Variants in ACOT11 observed in about 807,000 individuals in gnomAD.
The protein encoded by ACOT11 is acyl-CoA thioesterase 11.
Under a neutral mutation model 77.5 loss-of-function variants are expected in ACOT11, and 69 were observed. The ratio of observed to expected loss-of-function variants is 0.89; its 90% CI spans 0.73 to 1.09. The LOEUF (loss-of-function observed/expected upper bound fraction) is 1.09. ACOT11 is among the 50% of genes least tolerant of loss of function. ACOT11 has a pLI of 0.00. For missense variants in ACOT11, 766 were observed against 813.7 expected, an observed-to-expected ratio of 0.94 and a Z score of 0.71; for synonymous variants, 279 against 313.0, an observed-to-expected ratio of 0.89 and a Z score of 1.15.
Position 54,607,808 on chromosome 1 carries a change from T to C in ACOT11, c.1503-134T>C, listed in dbSNP as rs190842475. 2.3e-3 allele frequency: 2,785 copies of C among 1,207,532 alleles called. 7 individuals carry two copies. The highest frequency in any genetic ancestry group is 3.3e-3 in the Middle Eastern group (13 of 3,914). 74.8% of individuals were successfully genotyped at this position (1,207,532 alleles called of 1,614,324 possible). A position where few individuals can be genotyped will look rare whatever the true frequency, so the allele number is the denominator to read the frequency against. On this transcript the variant is annotated intron_variant, in intron 14 of 15. Coordinates refer to ENST00000343744, the MANE Select transcript of ACOT11 (RefSeq NM_147161.4). The surrounding 1 kb of genome is among the most constrained non-coding windows in gnomAD (Gnocchi z 4.5). ...GAGCCCCGCATTGGGGCTTTAAGAG[T>C]CGATGTGCCTTGCATCCCCCTGGTG... is the stretch of plus-strand genomic sequence containing the variant.
chr1:54,554,352 T>TATATATA lies in ACOT11; in HGVS notation c.33+6010_33+6011insATATATA, dbSNP rs536616509. Among the ~76,000 whole-genome samples, 75 of 46,374 alleles carry TATATATA rather than the reference T, an allele frequency of 1.6e-3. 1 individual carries two copies. Among genetic ancestry groups the TATATATA allele is most frequent in the Non-Finnish European group, 2.8e-3 (58 of 20,748 alleles). 30.4% of individuals were successfully genotyped at this position (46,374 alleles called of 152,430 possible). On this transcript the variant is annotated intron_variant, in intron 1 of 15. Coordinates refer to ENST00000343744, the MANE Select transcript of ACOT11 (RefSeq NM_147161.4). ...GTGTGTGTATATATATATATATATA[T>TATATATA]TTTTTTTTTTTTTTTTTGAGATGGA... is the stretch of plus-strand genomic sequence containing the variant.
rs894772798 is a variant in ACOT11 at position 54,584,775 on chromosome 1, C to A, written c.154C>A (p.Leu52Met). 6.2e-7 allele frequency: 1 copy of A among 1,613,846 alleles called. No individual in the cohort carries two copies. The highest frequency in any genetic ancestry group is 8.5e-7 in the Non-Finnish European group (1 of 1,180,026). The change falls in exon 2 of 16, where the codon CTG (leucine) becomes ATG (methionine). Residue 52 changes from leucine to methionine, a missense_variant. Leu to Met is a conservative substitution (Grantham distance 15). Transcript: ENST00000343744. This position sits in a 1 kb window ranked among gnomAD's most constrained non-coding sequence, Gnocchi z 6.3. ...CCCCACGGAGGTGCAGATGAGCCAG[C>A]TGGTGCTGCCCTGCCACACCAACCA... Reference protein sequence around the residue: ...RNPTEVQMSQLVLPCHTNQRG... With the variant: ...RNPTEVQMSQMVLPCHTNQRG...
chr1:54,599,608 G>C (rs1643939168), intron 8 of ACOT11, 193 bp downstream of exon 8: 2 of 539,866 alleles, frequency 3.7e-6, no homozygotes, highest in Non-Finnish European at 5.4e-6. Flanking sequence ...CTGGCTCCCA[G>C]TCCTGCCCAC....
intron 15 of ACOT11, among the ~76,000 whole-genome samples, chr1:54,630,102 T>C (rs560033042): frequency 2.2e-5 from 3 of 133,698 alleles, no homozygotes; most frequent in African/African-American, 7.6e-5. Flanking sequence ...GGTTTCACCA[T>C]GTTGACCAGG....
intron 1 of ACOT11, among the ~76,000 whole-genome samples, chr1:54,583,590 C>T (rs1020764707): frequency 1.3e-5 from 2 of 151,594 alleles, no homozygotes; most frequent in Non-Finnish European, 2.9e-5. Context: ...CAGGCTGCAG[C>T]AGACCTCTGG....
intron 6 of ACOT11, among the ~76,000 whole-genome samples, chr1:54,595,045 A>G (rs1654850807): frequency 6.6e-6 from 1 of 152,192 alleles, no homozygotes; most frequent in African/African-American, 2.4e-5. Context: ...ATATGTATGC[A>G]TCTATAAAAA....
chr1:54,562,456 C>T, intron 1 of ACOT11, among the ~76,000 whole-genome samples: 1 of 89,060 alleles, frequency 1.1e-5, no homozygotes, highest in South Asian at 4.0e-4. Context: ...GATCCCCCCA[C>T]CTCCCTCCCG....
At chr1:54,583,564 G>A (rs1188547967) in intron 1 of ACOT11, among the ~76,000 whole-genome samples, 2 of 150,668 alleles carry the variant, frequency 1.3e-5, no homozygotes, top group Non-Finnish European at 1.5e-5. Flanking sequence ...GCAGTGTAGT[G>A]TCGGGGGTAG....
Position 54,604,445 on chromosome 1 carries a change from C to T in ACOT11, c.1236+16C>T. 1 of 1,613,376 alleles carries T rather than the reference C, an allele frequency of 6.2e-7. No homozygotes were observed. The highest frequency in any genetic ancestry group is 8.5e-7 in the Non-Finnish European group (1 of 1,179,458). ...GATCAGTCAGGTAGCTGACCCCACC[C>T]ACCCAATTTTCCTTTCTCATCTGAG... is the stretch of plus-strand genomic sequence containing the variant. On this transcript the variant is annotated intron_variant, in intron 12 of 15. Transcript: ENST00000343744.
chr1:54,555,405 A>G (rs1202480832), intron 1 of ACOT11, among the ~76,000 whole-genome samples: 2 of 152,102 alleles, frequency 1.3e-5, no homozygotes, highest in African/African-American at 2.4e-5. Context: ...AGAAATGCCT[A>G]TTCAGGTCTT....
exon 17 of ACOT11, chr1:54,634,892 C>G (rs1001864309): frequency 7.9e-6 from 4 of 506,578 alleles, no homozygotes; most frequent in African/African-American, 7.9e-5. Flanking sequence ...GAAGCTGTCA[C>G]AGATGGCGGA....
chr1:54,620,927 A>G (rs1644223966), intron 15 of ACOT11, among the ~76,000 whole-genome samples: 1 of 138,754 alleles, frequency 7.2e-6, no homozygotes, highest in South Asian at 2.5e-4. Flanking sequence ...TGGGAAGCCG[A>G]GGTGGGTGGA....
In ACOT11 at chr1:54,594,536, C is replaced by G; in HGVS notation, c.472-20C>G. The G allele has an allele frequency of 6.2e-7, 1 of 1,606,152 alleles. No homozygotes were observed. On this transcript the variant is annotated intron_variant, in intron 5 of 15. Transcript: ENST00000343744. ...GGAGACTTGCCCTGAGTGTCCCCCA[C>G]CCTGTCCCCTGGCCGACAGGTGAAG...
intron 1 of ACOT11, among the ~76,000 whole-genome samples, chr1:54,564,164 T>C (rs1344532733): frequency 6.6e-6 from 1 of 151,536 alleles, no homozygotes; most frequent in Non-Finnish European, 1.5e-5. Context: ...TGCTTGAGCC[T>C]GGGACGTAGA....
chr1:54,610,129 T>G lies in ACOT11; in HGVS notation c.*1017T>G. 1.4e-6 allele frequency: 2 copies of G among 1,433,014 alleles called. No homozygotes were observed. Among genetic ancestry groups the G allele is most frequent in the Non-Finnish European group, 1.8e-6 (2 of 1,099,134 alleles). 88.8% of individuals were successfully genotyped at this position (1,433,014 alleles called of 1,614,324 possible). On this transcript the variant is annotated 3_prime_UTR_variant, in exon 16 of 16. Coordinates refer to ENST00000343744, the MANE Select transcript of ACOT11 (RefSeq NM_147161.4). ...TAAATGTGCCTGGTGCATGAGAAAC[T>G]CTTGTTTCAGCTCTTGGCCTTTACC... is the stretch of plus-strand genomic sequence containing the variant.
In ACOT11 at chr1:54,590,308, G is replaced by A. The variant is rs544084962; in HGVS notation, c.312-2238G>A. On this transcript the variant is annotated intron_variant, in intron 3 of 15. Coordinates refer to ENST00000343744, the MANE Select transcript of ACOT11 (RefSeq NM_147161.4). ...AGTAAATTGGTGTAGGGAAGGTCTCGATGGGGGTCAGATTTGTTCATGGGG... is the reference window on the plus strand; with the variant it reads ...AGTAAATTGGTGTAGGGAAGGTCTCAATGGGGGTCAGATTTGTTCATGGGG... 7.3e-5 allele frequency among the ~76,000 whole-genome samples: 11 copies of A among 151,324 alleles called. 1 individual carries two copies. Among genetic ancestry groups the A allele is most frequent in the South Asian group, 6.3e-4 (3 of 4,760 alleles).
At position 54,601,286 on chromosome 1, in the gene ACOT11, G is replaced by A. The variant is rs1188688362; in HGVS notation, c.902G>A (p.Cys301Tyr). ...CCCCTCAGCATGGAGGTGGGCGTGT[G>A]CGTGGAGGCCTATCGCCAGGAGGCT... ...AFKHSMEVGV[C>Y]VEAYRQEAET... The change falls in exon 9 of 16, where the codon TGC becomes TAC. Residue 301 changes from cysteine to tyrosine, a missense_variant. Cys to Tyr is a radical substitution (Grantham distance 194). Transcript: ENST00000343744. 9.3e-6 allele frequency: 15 copies of A among 1,611,924 alleles called. No homozygotes were observed. The highest frequency in any genetic ancestry group is 1.2e-5 in the Non-Finnish European group (14 of 1,179,962).
In ACOT11 at chr1:54,592,579, G is replaced by A; in HGVS notation, c.345G>A (p.Val115=). The change falls in exon 4 of 16, where the codon GTG becomes GTA. Residue 115 remains valine (V), a synonymous_variant. Coordinates refer to ENST00000343744, the MANE Select transcript of ACOT11 (RefSeq NM_147161.4). ...VGQVVNIKAK[V]NRAFNSSMEV... ...AAGTGGTGAATATCAAGGCCAAGGT[G>A]AACCGGGCCTTCAACTCCAGCATGG... 1.2e-6 allele frequency: 2 copies of A among 1,613,466 alleles called. No homozygotes were observed. Among genetic ancestry groups the A allele is most frequent in the Non-Finnish European group, 1.7e-6 (2 of 1,179,710 alleles).
chr1:54,564,937 A>G (rs1653684322), intron 1 of ACOT11, among the ~76,000 whole-genome samples: 1 of 152,134 alleles, frequency 6.6e-6, no homozygotes, highest in African/African-American at 2.4e-5. Context: ...AGGCTTTGAG[A>G]GCAGGGCGAA....
Sources: gnomAD v4.1 joint callset for allele counts (sites outside exome capture counted in the v4.1 genomes callset) on GRCh38, gnomAD v4.1.1 for gene constraint, Gnocchi (gnomAD v3.1) non-coding constraint, MANE v1.5 for transcripts, NCBI Gene and HGNC (gene_info 2026-07-23, HGNC 2026-07-21) for gene names.